The following CCSER1 variants were observed in gnomAD, a reference collection of about 807,000 sequenced individuals.
The protein encoded by CCSER1 is serine-rich coiled-coil domain-containing protein 1.
CCSER1 carries 41 observed loss-of-function variants against 82.0 expected under a neutral mutation model. The observed-to-expected ratio is 0.50, with a 90% CI of 0.39 to 0.65. The LOEUF (loss-of-function observed/expected upper bound fraction) is 0.65. CCSER1 is among the 30% of genes least tolerant of loss of function. The pLI is 0.00. For synonymous variants in CCSER1, 414 were observed against 383.9 expected (o/e 1.08, Z -0.92); for missense variants, 1,119 against 1,064.2 (o/e 1.05, Z -0.72).
intron 10 of CCSER1, among the ~76,000 whole-genome samples, chr4:91,454,898 T>C (rs1412159460): frequency 3.3e-5 from 5 of 152,016 alleles, no homozygotes; most frequent in Non-Finnish European, 1.5e-5. Flanking sequence ...GATTTTGAAA[T>C]GTTCACAGTT....
chr4:91,436,206 A>G (rs2149399011), intron 10 of CCSER1, among the ~76,000 whole-genome samples: 1 of 152,282 alleles, frequency 6.6e-6, no homozygotes, highest in African/African-American at 2.4e-5. Flanking sequence ...CTTCCCTCTT[A>G]CTTTCTGTGA....
chr4:90,905,648 G>A (rs11943351), intron 8 of CCSER1, among the ~76,000 whole-genome samples: 2,362 of 152,166 alleles, frequency 0.016, 57 homozygotes, highest in African/African-American at 0.053. Flanking sequence ...CTTATTGGAA[G>A]TCTATCTCTC....
At chr4:90,495,295 C>T (rs1039784827) in intron 5 of CCSER1, among the ~76,000 whole-genome samples, 1 of 152,138 alleles carries the variant, frequency 6.6e-6, no homozygotes, top group Non-Finnish European at 1.5e-5. Flanking sequence ...GAGAATAGTG[C>T]TTTAAAAGCT....
intron 10 of CCSER1, among the ~76,000 whole-genome samples, chr4:91,322,717 A>C (rs1019235313): frequency 3.3e-5 from 5 of 152,160 alleles, no homozygotes; most frequent in African/African-American, 1.2e-4. Flanking sequence ...TTTTCAGTGC[A>C]TGACTTTGCT....
intron 1 of CCSER1, among the ~76,000 whole-genome samples, chr4:90,157,847 A>G (rs1042656659): frequency 1.3e-5 from 2 of 151,926 alleles, no homozygotes; most frequent in African/African-American, 4.8e-5. Context: ...GAGTAGTTTG[A>G]TTGTCTGAAC....
At chr4:90,422,846 C>A (rs1756907763) in intron 4 of CCSER1, among the ~76,000 whole-genome samples, 1 of 151,926 alleles carries the variant, frequency 6.6e-6, no homozygotes, top group East Asian at 1.9e-4. Flanking sequence ...AAAATATTTT[C>A]AAACTTTGTC....
At chr4:91,010,815 G>C (rs973059261) in intron 9 of CCSER1, among the ~76,000 whole-genome samples, 2 of 133,632 alleles carry the variant, frequency 1.5e-5, no homozygotes, top group African/African-American at 5.0e-5. Flanking sequence ...ATAATGAATT[G>C]TTTTCTGGAT....
chr4:91,098,004 C>T (rs1018898865), intron 10 of CCSER1, among the ~76,000 whole-genome samples: 2 of 152,104 alleles, frequency 1.3e-5, no homozygotes, highest in African/African-American at 4.8e-5. Flanking sequence ...ATACAAACCT[C>T]AGAGACTTAA....
rs151197323 is a variant in CCSER1 at position 90,462,567 on chromosome 4, A to AAAAC, written c.1604-5651_1604-5648dup. 8.3e-3 allele frequency among the ~76,000 whole-genome samples: 1,256 copies of AAAAC among 152,160 alleles called. 16 individuals are homozygous for AAAAC. The highest frequency in any genetic ancestry group is 0.029 in the African/African-American group (1,185 of 41,476). On this transcript the variant is annotated intron_variant, in intron 4 of 10. Coordinates refer to ENST00000509176, the MANE Select transcript of CCSER1 (RefSeq NM_001145065.2). ...TTGTAGCCTAGCCAAGTTGACATAT[A>AAAAC]AAACAAACAAACAAACAAATCAGCC...
At chr4:90,954,362 T>C (rs1463922515) in intron 9 of CCSER1, among the ~76,000 whole-genome samples, 1 of 152,040 alleles carries the variant, frequency 6.6e-6, no homozygotes, top group African/African-American at 2.4e-5. Flanking sequence ...TTTATTTGTA[T>C]TGAATTTTGC....
chr4:91,365,017 G>T (rs566100435), intron 10 of CCSER1, among the ~76,000 whole-genome samples: 1 of 152,210 alleles, frequency 6.6e-6, no homozygotes, highest in Admixed American at 6.5e-5. Flanking sequence ...GTGACAAATG[G>T]CAGATAATAT....
At chr4:90,640,759 T>C (rs1726356632) in intron 6 of CCSER1, among the ~76,000 whole-genome samples, 1 of 152,188 alleles carries the variant, frequency 6.6e-6, no homozygotes, top group Non-Finnish European at 1.5e-5. Context: ...CCTTTCGCTC[T>C]GCACTTCTCC....
intron 10 of CCSER1, among the ~76,000 whole-genome samples, chr4:91,104,648 A>T (rs915147209): frequency 6.6e-6 from 1 of 152,200 alleles, no homozygotes; most frequent in African/African-American, 2.4e-5. Flanking sequence ...ATTACCACCA[A>T]GTAGGTGACT....
chr4:90,688,790 C>A (rs1057212586), intron 6 of CCSER1, among the ~76,000 whole-genome samples: 1 of 152,032 alleles, frequency 6.6e-6, no homozygotes, highest in East Asian at 1.9e-4. Context: ...CTACTTTGTA[C>A]AAGAAAAGGT....
chr4:91,059,224 C>T (rs1293922963), intron 9 of CCSER1, among the ~76,000 whole-genome samples: 1 of 138,274 alleles, frequency 7.2e-6, no homozygotes, highest in African/African-American at 2.7e-5. Context: ...TCCAAAATCT[C>T]CTTAGTTCTT....
chr4:90,178,629 G>A (rs957381823), intron 1 of CCSER1, among the ~76,000 whole-genome samples: 2 of 152,044 alleles, frequency 1.3e-5, no homozygotes, highest in East Asian at 1.9e-4. Context: ...ATTAGAATTC[G>A]GTATATGAGA....
chr4:90,979,406 A>T (rs931638998), intron 9 of CCSER1, among the ~76,000 whole-genome samples: 1 of 151,726 alleles, frequency 6.6e-6, no homozygotes, highest in African/African-American at 2.4e-5. Context: ...AAAATATTTT[A>T]TATTTTAAAT....
chr4:91,200,480 G>A lies in CCSER1; in HGVS notation c.2217+114486G>A, dbSNP rs1453724676. ...ACCAATAGCTGACTTGTAGTGGGGG[G>A]CCACATCTTAGAAGTCTTCAGCATT... On this transcript the variant is annotated intron_variant, in intron 10 of 10. Coordinates refer to ENST00000509176, the MANE Select transcript of CCSER1 (RefSeq NM_001145065.2). 2.6e-5 allele frequency among the ~76,000 whole-genome samples: 4 copies of A among 152,106 alleles called. No individual in the cohort carries two copies. In the East Asian group the frequency reaches 7.7e-4, roughly 29 times the overall value.
chr4:91,194,902 G>C (rs1735285027), intron 10 of CCSER1, among the ~76,000 whole-genome samples: 1 of 152,036 alleles, frequency 6.6e-6, no homozygotes, highest in African/African-American at 2.4e-5. Flanking sequence ...TGTTTTTGTT[G>C]CCTTAAAAAA....
Sources: gnomAD v4.1 joint callset for allele counts (sites outside exome capture counted in the v4.1 genomes callset) on GRCh38, gnomAD v4.1.1 for gene constraint, MANE v1.5 for transcripts, NCBI Gene and HGNC (gene_info 2026-07-23, HGNC 2026-07-21) for gene names.